NBPF12: variants seen among roughly 807,000 people sequenced by gnomAD.
The protein encoded by NBPF12 is NBPF family member NBPF12.
In NBPF12, 115 loss-of-function variants were observed where a neutral mutation model predicts 146.4. The observed-to-expected ratio is 0.79, with a 90% CI of 0.68 to 0.92. The LOEUF is 0.92. Among genes scored for constraint, NBPF12 ranks in the 40% least tolerant of loss-of-function variants. The probability of loss-of-function intolerance (pLI) is 0.00; values close to 1 mark genes in which losing one functional copy is unlikely to be tolerated. For missense variants in NBPF12, 1,205 were observed against 1,326.8 expected (o/e 0.91, Z 1.43); for synonymous variants, 385 against 508.9 (o/e 0.76, Z 3.28).
chr1:146,987,733 T>TTGTGTGTGTGTGTGTGTGTGTGTG (rs782154969), intron 25 of NBPF12, among the ~76,000 whole-genome samples: 2 of 146,128 alleles, frequency 1.4e-5, no homozygotes, highest in African/African-American at 5.1e-5. Context: ...GTGTGTGTGT[T>TTGTGTGTGTGTGTGTGTGTGTGTG]TGTGTGTGTG....
exon 12 of NBPF12, chr1:146,970,664 G>T (rs1656542975): frequency 3.3e-6 from 5 of 1,492,622 alleles, no homozygotes; most frequent in Non-Finnish European, 3.7e-6. Context: ...TGAAGATGAG[G>T]ATGAAGATGT....
chr1:146,971,951 G>A (rs1398665456), intron 13 of NBPF12, among the ~76,000 whole-genome samples: 5 of 148,912 alleles, frequency 3.4e-5, no homozygotes, highest in East Asian at 2.0e-4. Context: ...AGCTGGGCGC[G>A]GTGTTGGGTG....
intron 21 of NBPF12, 126 bp downstream of exon 24, chr1:146,984,311 G>C: frequency 1.3e-6 from 1 of 760,258 alleles, no homozygotes; most frequent in Non-Finnish European, 2.4e-6. Context: ...TATGCCTACT[G>C]CATTGTTTTT....
chr1:146,984,299 A>T, intron 21 of NBPF12, 114 bp downstream of exon 24: 1 of 785,514 alleles, frequency 1.3e-6, no homozygotes, highest in South Asian at 1.3e-5. Context: ...ACAAGTCTGA[A>T]TTATGCCTAC....
At position 146,975,204 on chromosome 1, in the gene NBPF12, G is replaced by T. The variant is rs1442189001; in HGVS notation, c.1904+363G>T. On this transcript the variant is annotated intron_variant, in intron 15 of 33. Coordinates refer to ENST00000617844, the Ensembl canonical transcript of NBPF12. ...GAGAATCACCTCCTGACTGACTGCG[G>T]CTTCTCATTCTTTCACTCAATCAAT... 1.0e-4 allele frequency among the ~76,000 whole-genome samples: 14 copies of T among 137,564 alleles called. 1 individual carries two copies. The East Asian group carries it at 2.3e-3, about 23-fold the overall frequency. 90.2% of individuals were successfully genotyped at this position (137,564 alleles called of 152,430 possible).
At chr1:146,963,604 G>A (rs1298078307) in intron 6 of NBPF12, among the ~76,000 whole-genome samples, 41 of 150,888 alleles carry the variant, frequency 2.7e-4, no homozygotes, top group Admixed American at 5.3e-4. Flanking sequence ...GGCGCTTGTT[G>A]GAGTGAAAAG....
chr1:146,946,967 A>G (rs1655104705), upstream of NBPF12, among the ~76,000 whole-genome samples: 1 of 152,020 alleles, frequency 6.6e-6, no homozygotes, highest in African/African-American at 2.4e-5. Flanking sequence ...CTAAAGCTCC[A>G]TGGAAGATCA....
At chr1:146,980,807 G>T (rs1657323625) in intron 19 of NBPF12, among the ~76,000 whole-genome samples, 1 of 142,016 alleles carries the variant, frequency 7.0e-6, no homozygotes, top group African/African-American at 2.6e-5. Context: ...TATAAATCAT[G>T]CTGCTGTAAA....
chr1:146,974,028 C>T (rs1656830284), intron 14 of NBPF12, among the ~76,000 whole-genome samples: 1 of 150,898 alleles, frequency 6.6e-6, no homozygotes, highest in Non-Finnish European at 1.5e-5. Flanking sequence ...GAGGGTACTA[C>T]AATAATACCT....
At chr1:146,938,432 G>T (rs1232007107), upstream of NBPF12, among the ~76,000 whole-genome samples, 1 of 152,144 alleles carries the variant, frequency 6.6e-6, no homozygotes, top group Non-Finnish European at 1.5e-5. Flanking sequence ...ACCTGGCAGG[G>T]GCGGTTCAAG....
chr1:146,974,199 C>T (rs1656845593), intron 14 of NBPF12, among the ~76,000 whole-genome samples: 1 of 148,042 alleles, frequency 6.8e-6, no homozygotes, highest in Non-Finnish European at 1.5e-5. Flanking sequence ...TCCTTCATGG[C>T]CTTATGGTGT....
chr1:146,963,362 C>G (rs1354985628), intron 6 of NBPF12, 53 bp downstream of exon 9: 3 of 1,586,746 alleles, frequency 1.9e-6, no homozygotes, highest in African/African-American at 2.7e-5. Flanking sequence ...ATGAGAGGCT[C>G]CAGACCTCCA....
At chr1:146,967,928 C>G (rs1656310928) in intron 9 of NBPF12, among the ~76,000 whole-genome samples, 1 of 144,600 alleles carries the variant, frequency 6.9e-6, no homozygotes, top group South Asian at 2.2e-4. Context: ...TTATGTGTCA[C>G]ACTTTATGCT....
rs1655512304 is a variant in NBPF12, at chr1:146,954,970, AT to A, written c.-184+3482del. Among the ~76,000 whole-genome samples the A allele has an allele frequency of 3.4e-3, 15 of 4,474 alleles. 2 individuals carry two copies. In the South Asian group the frequency reaches 0.16, roughly 46 times the overall value. 2.9% of individuals were successfully genotyped at this position (4,474 alleles called of 152,430 possible). On this transcript the variant is annotated intron_variant, in intron 2 of 33. Coordinates refer to ENST00000617844, the Ensembl canonical transcript of NBPF12. Reference sequence around the variant, plus strand: ...GAAGATTATCATCTCCAAATAGGGAATATATATATATATATATATATATATA... The same window carrying A: ...GAAGATTATCATCTCCAAATAGGGAAATATATATATATATATATATATATA...
intron 18 of NBPF12, among the ~76,000 whole-genome samples, chr1:146,978,610 G>A (rs1553887657): frequency 2.0e-5 from 3 of 151,948 alleles, no homozygotes; most frequent in South Asian, 2.1e-4. Flanking sequence ...AACATTTTAT[G>A]TCCACGTTAC....
intron 5 of NBPF12, among the ~76,000 whole-genome samples, chr1:146,962,834 G>A (rs1408739188): frequency 6.6e-6 from 1 of 150,772 alleles, no homozygotes; most frequent in Non-Finnish European, 1.5e-5. Context: ...AACGGAATTA[G>A]GAAGACACCT....
intron 25 of NBPF12, among the ~76,000 whole-genome samples, chr1:146,987,739 G>GTA (rs1657878196): frequency 7.1e-6 from 1 of 141,766 alleles, no homozygotes; most frequent in Non-Finnish European, 1.6e-5. Context: ...GTGTTTGTGT[G>GTA]TGTGTGTGTG....
intron 4 of NBPF12, among the ~76,000 whole-genome samples, chr1:146,960,975 A>G (rs1307238036): frequency 1.3e-5 from 2 of 152,072 alleles, no homozygotes; most frequent in Non-Finnish European, 2.9e-5. Flanking sequence ...GAGAAACCCC[A>G]TCTCCACTAA....
intron 4 of NBPF12, 113 bp downstream of exon 7, chr1:146,960,431 G>A (rs1655776746): frequency 1.6e-6 from 1 of 609,396 alleles, no homozygotes; most frequent in Non-Finnish European, 2.9e-6. Flanking sequence ...GTACTTCTAG[G>A]AAAACAGAAA....
Sources: gnomAD v4.1 joint callset for allele counts (sites outside exome capture counted in the v4.1 genomes callset) on GRCh38, gnomAD v4.1.1 for gene constraint, MANE v1.5 for transcripts, NCBI Gene and HGNC (gene_info 2026-07-23, HGNC 2026-07-21) for gene names.